The following DPP6 variants were observed in gnomAD, a reference collection of about 807,000 sequenced individuals.
The protein encoded by DPP6 is A-type potassium channel modulatory protein DPP6.
A neutral mutation model predicts 122.6 loss-of-function variants in DPP6; 69 were observed. The observed-to-expected ratio is 0.56, with a 90% CI of 0.46 to 0.69. DPP6 has a LOEUF of 0.69. Ranked by LOEUF, DPP6 falls within the 30% of genes least tolerant of loss-of-function variation. The pLI, the probability that DPP6 is intolerant of heterozygous loss-of-function variation, is 0.00. For missense variants in DPP6, 928 were observed against 1,116.9 expected, an observed-to-expected ratio of 0.83 and a Z score of 2.41; for synonymous variants, 418 against 433.1, an observed-to-expected ratio of 0.97 and a Z score of 0.43.
intron 5 of DPP6, among the ~76,000 whole-genome samples, chr7:154,574,123 A>C (rs1389203949): frequency 6.6e-6 from 1 of 152,228 alleles, no homozygotes; most frequent in Non-Finnish European, 1.5e-5. Context: ...CATAGAAAAA[A>C]TGTAGCCCAA....
chr7:154,170,002 G>A (rs1219495573), intron 1 of DPP6, among the ~76,000 whole-genome samples: 1 of 152,166 alleles, frequency 6.6e-6, no homozygotes, highest in Non-Finnish European at 1.5e-5. Flanking sequence ...GGGATTACAG[G>A]CATGAGCCAC....
intron 1 of DPP6, among the ~76,000 whole-genome samples, chr7:154,192,571 A>G (rs1467852263): frequency 1.3e-5 from 2 of 152,280 alleles, no homozygotes; most frequent in African/African-American, 4.8e-5. Flanking sequence ...AGACAGGGAT[A>G]AAGTACTCTT....
chr7:154,877,527 C>A lies in DPP6; in HGVS notation c.2078+1427C>A, dbSNP rs2150660543. 6.6e-6 allele frequency among the ~76,000 whole-genome samples: 1 copy of A among 152,314 alleles called. No individual in the cohort carries two copies. Among genetic ancestry groups the A allele is most frequent in the South Asian group, 2.1e-4 (1 of 4,824 alleles). On this transcript the variant is annotated intron_variant, in intron 20 of 25. Transcript: ENST00000377770. The surrounding 1 kb of genome is among the most constrained non-coding windows in gnomAD (Gnocchi z 5.2). ...GACACCAACAATGTCACCAACGACC[C>A]AGGCTCTCTCCGTCTCTCCGCCCAG...
chr7:153,818,271 G>A, the DPP6 span, among the ~76,000 whole-genome samples: 1 of 152,140 alleles, frequency 6.6e-6, no homozygotes, highest in Non-Finnish European at 1.5e-5. Context: ...ACTGTGATGG[G>A]CTGGAGACAG....
intron 1 of DPP6, among the ~76,000 whole-genome samples, chr7:154,440,351 A>AG (rs1176050649): frequency 6.6e-6 from 1 of 151,996 alleles, no homozygotes; most frequent in East Asian, 1.9e-4. Flanking sequence ...CCCCACTACT[A>AG]GCAAAAGCAC....
intron 3 of DPP6, among the ~76,000 whole-genome samples, chr7:154,504,739 T>G (rs1825537219): frequency 6.6e-6 from 1 of 151,938 alleles, no homozygotes; most frequent in Non-Finnish European, 1.5e-5. Context: ...TTTTACAAAT[T>G]TAGGCAGTTT....
intron 5 of DPP6, among the ~76,000 whole-genome samples, chr7:154,595,709 T>C (rs1478529834): frequency 2.0e-5 from 3 of 152,236 alleles, no homozygotes; most frequent in Admixed American, 1.3e-4. Flanking sequence ...GAATGGCCTT[T>C]ATTTGCAAAG....
intron 10 of DPP6, among the ~76,000 whole-genome samples, chr7:154,789,110 A>T (rs979588349): frequency 6.6e-6 from 1 of 152,196 alleles, no homozygotes; most frequent in African/African-American, 2.4e-5. Flanking sequence ...GGCCACAGAC[A>T]AAGGGTGAGA....
the DPP6 span, among the ~76,000 whole-genome samples, chr7:153,758,382 T>C: frequency 6.6e-6 from 1 of 152,212 alleles, no homozygotes; most frequent in East Asian, 1.9e-4. Flanking sequence ...TGACTGTGCA[T>C]ATTTAGAATG....
intron 1 of DPP6, among the ~76,000 whole-genome samples, chr7:154,307,057 A>G (rs7802587): frequency 0.082 from 12,419 of 152,180 alleles, 982 homozygotes; most frequent in African/African-American, 0.2. Context: ...GAGAGAAGTA[A>G]TAATTACGAA....
At chr7:153,873,253 C>T in the DPP6 span, among the ~76,000 whole-genome samples, 1 of 152,250 alleles carries the variant, frequency 6.6e-6, no homozygotes, top group Non-Finnish European at 1.5e-5. Flanking sequence ...TTTCACCAGG[C>T]ATCTGCCCTC....
intron 5 of DPP6, among the ~76,000 whole-genome samples, chr7:154,636,417 T>A (rs1586781469): frequency 2.6e-5 from 4 of 152,152 alleles, no homozygotes; most frequent in Admixed American, 6.5e-5. Flanking sequence ...GCACCACTCA[T>A]CCCGGCAGAA....
intron 1 of DPP6, among the ~76,000 whole-genome samples, chr7:154,436,395 A>G (rs1186386889): frequency 6.6e-6 from 1 of 151,148 alleles, no homozygotes; most frequent in African/African-American, 2.4e-5. Flanking sequence ...TTGCCCCAAC[A>G]CCTCAGTAAA....
At chr7:154,321,555 G>C (rs1209765132) in intron 1 of DPP6, among the ~76,000 whole-genome samples, 1 of 151,906 alleles carries the variant, frequency 6.6e-6, no homozygotes, top group South Asian at 2.1e-4. Context: ...AGGCTGAGGC[G>C]GGCGGATCAC....
At chr7:154,577,259 C>T (rs1353752684) in intron 5 of DPP6, among the ~76,000 whole-genome samples, 1 of 151,824 alleles carries the variant, frequency 6.6e-6, no homozygotes, top group Non-Finnish European at 1.5e-5. Context: ...CATCTTGCAG[C>T]GTTTAGAACA....
chr7:154,552,761 G>C (rs918634582), intron 4 of DPP6, among the ~76,000 whole-genome samples: 34 of 152,186 alleles, frequency 2.2e-4, no homozygotes, highest in Admixed American at 1.8e-3. Flanking sequence ...TAAGAGAAGG[G>C]AGGGGACTCC....
At chr7:154,719,937 C>G (rs1394524182) in intron 7 of DPP6, among the ~76,000 whole-genome samples, 5 of 152,196 alleles carry the variant, frequency 3.3e-5, no homozygotes, top group African/African-American at 4.8e-5. Context: ...GACTGGAGAG[C>G]AGGCCTCATC....
chr7:154,734,179 C>T (rs371603304), intron 8 of DPP6, among the ~76,000 whole-genome samples: 1 of 152,250 alleles, frequency 6.6e-6, no homozygotes. Flanking sequence ...GAGACAGGCT[C>T]TCACTATGTT....
At chr7:154,071,393 G>T (rs1329287559) in intron 1 of DPP6, among the ~76,000 whole-genome samples, 1 of 152,200 alleles carries the variant, frequency 6.6e-6, no homozygotes, top group African/African-American at 2.4e-5. Context: ...GCAAGAGTTC[G>T]AAGCGGGGTG....
Sources: allele counts gnomAD v4.1 joint callset (sites outside exome capture counted in the v4.1 genomes callset), GRCh38; gene constraint gnomAD v4.1.1; non-coding constraint Gnocchi (gnomAD v3.1); transcripts MANE v1.5; gene names NCBI Gene and HGNC (gene_info 2026-07-23, HGNC 2026-07-21).